The following PLLP variants were observed in gnomAD, a reference collection of about 807,000 sequenced individuals.
The protein encoded by PLLP is plasma membrane proteolipid (plasmolipin).
A neutral mutation model predicts 19.7 loss-of-function variants in PLLP; 15 were observed. That is an observed-to-expected ratio of 0.76 (90% CI 0.51 to 1.17). The LOEUF (loss-of-function observed/expected upper bound fraction) is 1.17, where lower values mean the gene tolerates loss of function less well. PLLP is among the 50% of genes most tolerant of loss of function. PLLP has a pLI of 0.00. For missense variants in PLLP, 255 were observed against 258.3 expected (o/e 0.99, Z 0.09); for synonymous variants, 111 against 116.3 (o/e 0.95, Z 0.29).
In PLLP at chr16:57,256,380, A is replaced by C; in HGVS notation, c.*533T>G. ...GTCTGAAATGCAGGGAGGGAAGACC[A>C]TGCTGTCAGCAATCAACCCACTTTT... is the stretch of plus-strand genomic sequence containing the variant. On this transcript the variant is annotated 3_prime_UTR_variant, in exon 4 of 4. Transcript: ENST00000219207. The C allele has an allele frequency of 3.9e-6, 1 of 254,454 alleles. No individual in the cohort carries two copies. The highest frequency in any genetic ancestry group is 7.4e-6 in the Non-Finnish European group (1 of 135,800). 15.8% of individuals were successfully genotyped at this position (254,454 alleles called of 1,614,324 possible).
At chr16:57,277,319 G>A (rs1179615950) in intron 1 of PLLP, among the ~76,000 whole-genome samples, 2 of 152,244 alleles carry the variant, frequency 1.3e-5, no homozygotes, top group Non-Finnish European at 2.9e-5. Context: ...GCCGGGTGCG[G>A]TGGCTCACGC....
At position 57,271,063 on chromosome 16, in the gene PLLP, C is replaced by T. The variant is rs368056412; in HGVS notation, c.136-8993G>A. On this transcript the variant is annotated intron_variant, in intron 1 of 3. Transcript: ENST00000219207. ...GCTTCCTGGGGCTATGGCAGGAGGA[C>T]GATGCTGGAGGTGGGGGCTCAGACC... 1.5e-4 allele frequency among the ~76,000 whole-genome samples: 23 copies of T among 152,292 alleles called. No homozygotes were observed. In the East Asian group the frequency reaches 2.3e-3, roughly 15 times the overall value.
At chr16:57,278,078 G>C (rs545875685) in intron 1 of PLLP, among the ~76,000 whole-genome samples, 2 of 152,292 alleles carry the variant, frequency 1.3e-5, no homozygotes, top group South Asian at 4.1e-4. Context: ...GGTGGCTCAT[G>C]CCTGTAATCC....
Position 57,256,738 on chromosome 16 carries a change from C to T in PLLP, c.*175G>A. ...CCTGCAAGCCGAGATGCCTGCCAGCCTGGGCCTGCTTCCTTAGCGCTGTGA... is the reference window on the plus strand; with the variant it reads ...CCTGCAAGCCGAGATGCCTGCCAGCTTGGGCCTGCTTCCTTAGCGCTGTGA... On this transcript the variant is annotated 3_prime_UTR_variant, in exon 4 of 4. Coordinates refer to ENST00000219207, the MANE Select transcript of PLLP (RefSeq NM_015993.3). 2 of 570,592 alleles carry T rather than the reference C, an allele frequency of 3.5e-6. No homozygotes were observed. The allele number at this position is 570,592 out of a possible 1,614,324, so 35.3% of individuals were successfully genotyped here.
At chr16:57,259,593 AG>A (rs1252228084) in intron 2 of PLLP, among the ~76,000 whole-genome samples, 1 of 152,228 alleles carries the variant, frequency 6.6e-6, no homozygotes, top group Admixed American at 6.5e-5. Context: ...ACATTCATTC[AG>A]TTCGTCCAAT....
intron 2 of PLLP, among the ~76,000 whole-genome samples, chr16:57,259,694 G>C (rs2075436279): frequency 6.6e-6 from 1 of 152,070 alleles, no homozygotes; most frequent in South Asian, 2.1e-4. Context: ...AAAAATCTTG[G>C]CCGGGTGCAG....
chr16:57,274,169 G>A, intron 1 of PLLP, among the ~76,000 whole-genome samples: 1 of 151,818 alleles, frequency 6.6e-6, no homozygotes, highest in East Asian at 1.9e-4. Flanking sequence ...TTTGTATAGA[G>A]ACAAGGTCTA....
At chr16:57,276,417 C>A (rs544029248) in intron 1 of PLLP, among the ~76,000 whole-genome samples, 9 of 152,204 alleles carry the variant, frequency 5.9e-5, no homozygotes, top group African/African-American at 2.2e-4. Context: ...CATGGCCAAA[C>A]CCCGTCTCTA....
chr16:57,269,039 G>A (rs2075466177), intron 1 of PLLP, among the ~76,000 whole-genome samples: 1 of 152,166 alleles, frequency 6.6e-6, no homozygotes, highest in South Asian at 2.1e-4. Flanking sequence ...TCCCACAGGA[G>A]GCCCCAGAAA....
rs530066000 is a variant in PLLP at position 57,284,314 on chromosome 16, C to G, written c.135+92G>C. The G allele has an allele frequency of 3.8e-5, 44 of 1,151,624 alleles. No homozygotes were observed. In the African/African-American group the frequency reaches 6.6e-4, roughly 17 times the overall value. The allele number at this position is 1,151,624 out of a possible 1,614,324, so 71.3% of individuals were successfully genotyped here. On this transcript the variant is annotated intron_variant, in intron 1 of 3. Transcript: ENST00000219207. ...GAGCCCGGGTGGGGAGCGCAAGGTTCGCGAAAAATGAACGCAGCGCCGGAG... is the reference window on the plus strand; with the variant it reads ...GAGCCCGGGTGGGGAGCGCAAGGTTGGCGAAAAATGAACGCAGCGCCGGAG...
At chr16:57,280,499 T>A (rs11646205) in intron 1 of PLLP, among the ~76,000 whole-genome samples, 79,493 of 151,920 alleles carry the variant, frequency 0.52, 21,158 homozygotes, top group South Asian at 0.71. Context: ...CTTTTTTTTT[T>A]AAAACCAAAA....
rs756287108 is a variant in PLLP at position 57,262,039 on chromosome 16, G to T, written c.167C>A (p.Ala56Glu). 1 of 1,614,128 alleles carries T rather than the reference G, an allele frequency of 6.2e-7. No homozygotes were observed. Among genetic ancestry groups the T allele is most frequent in the Admixed American group, 1.7e-5 (1 of 60,012 alleles). ...CGGATACAGGTGGTACGGGGTGTCC[G>T]CAATCAGCGCCCACACCAGCAGCCC... Reference protein sequence around the residue: ...VLGLLVWALIADTPYHLYPAY... With the variant: ...VLGLLVWALIEDTPYHLYPAY... The change falls in exon 2 of 4, where the codon GCG (alanine) becomes GAG (glutamate). Residue 56 changes from alanine (A) to glutamate (E), a missense_variant. Coordinates refer to ENST00000219207, the MANE Select transcript of PLLP (RefSeq NM_015993.3).
intron 1 of PLLP, among the ~76,000 whole-genome samples, chr16:57,275,241 C>T (rs1901135992): frequency 6.6e-6 from 1 of 152,064 alleles, no homozygotes; most frequent in African/African-American, 2.4e-5. Flanking sequence ...TGGAGATTGT[C>T]CATCCTTATA....
chr16:57,260,767 G>A (rs1349687571), intron 2 of PLLP, among the ~76,000 whole-genome samples: 6 of 152,134 alleles, frequency 3.9e-5, no homozygotes, highest in Non-Finnish European at 1.5e-5. Context: ...TGTGTCCTGG[G>A]GAGACTGTCC....
intron 1 of PLLP, among the ~76,000 whole-genome samples, chr16:57,268,283 G>C (rs1395818776): frequency 3.3e-5 from 5 of 152,192 alleles, no homozygotes; most frequent in Non-Finnish European, 7.4e-5. Flanking sequence ...GCTGCTCTCT[G>C]AATCTGTGGA....
rs2075424805 is a variant in PLLP at position 57,256,152 on chromosome 16, C to CATGA, written c.*757_*760dup. 2.5e-6 allele frequency: 1 copy of CATGA among 397,274 alleles called. No individual in the cohort carries two copies. Among genetic ancestry groups the CATGA allele is most frequent in the South Asian group, 1.3e-4 (1 of 7,484 alleles). The allele number at this position is 397,274 out of a possible 1,614,324, so 24.6% of individuals were successfully genotyped here. A position where few individuals can be genotyped will look rare whatever the true frequency, so the allele number is the denominator to read the frequency against. On this transcript the variant is annotated 3_prime_UTR_variant, in exon 4 of 4. Coordinates refer to ENST00000219207, the MANE Select transcript of PLLP (RefSeq NM_015993.3). Reference sequence around the variant, plus strand: ...AAAATAAAACAGTCACCACCAACCACATGACAACTCGCCAGGCAAGGCCTT... The same window carrying CATGA: ...AAAATAAAACAGTCACCACCAACCACATGAATGACAACTCGCCAGGCAAGGCCTT...
intron 2 of PLLP, among the ~76,000 whole-genome samples, chr16:57,260,952 C>T (rs2075439969): frequency 6.6e-6 from 1 of 152,194 alleles, no homozygotes; most frequent in Non-Finnish European, 1.5e-5. Flanking sequence ...ATCTCACAAA[C>T]TCACACAACA....
Position 57,284,564 on chromosome 16 carries a change from G to T in PLLP, c.-24C>A. ...ATGGCGGCTCCGCTTGCCTCCCGAGGTCGCTACGGCCGCCGTCGCCGCCCC... is the reference window on the plus strand; with the variant it reads ...ATGGCGGCTCCGCTTGCCTCCCGAGTTCGCTACGGCCGCCGTCGCCGCCCC... On this transcript the variant is annotated 5_prime_UTR_variant, in exon 1 of 4. Coordinates refer to ENST00000219207, the MANE Select transcript of PLLP (RefSeq NM_015993.3). 2 of 1,332,840 alleles carry T rather than the reference G, an allele frequency of 1.5e-6. No individual in the cohort carries two copies. Among genetic ancestry groups the T allele is most frequent in the Admixed American group, 6.2e-5 (2 of 32,460 alleles). 82.6% of individuals were successfully genotyped at this position (1,332,840 alleles called of 1,614,324 possible).
Position 57,262,088 on chromosome 16 carries a change from G to A in PLLP, c.136-18C>T. The A allele has an allele frequency of 2.5e-6, 4 of 1,613,452 alleles. No individual in the cohort carries two copies. Among genetic ancestry groups the A allele is most frequent in the Non-Finnish European group, 1.7e-6 (2 of 1,179,416 alleles). On this transcript the variant is annotated intron_variant, in intron 1 of 3. Transcript: ENST00000219207. ...CCCAGCACCTAGGAGGGTCAGACAAGGCAGGATTGGCCAGAGATGCGGTTT... is the reference window on the plus strand; with the variant it reads ...CCCAGCACCTAGGAGGGTCAGACAAAGCAGGATTGGCCAGAGATGCGGTTT...
Sources: allele counts gnomAD v4.1 joint callset (sites outside exome capture counted in the v4.1 genomes callset), GRCh38; gene constraint gnomAD v4.1.1; transcripts MANE v1.5; gene names NCBI Gene and HGNC (gene_info 2026-07-23, HGNC 2026-07-21).